Variants in TMEM106A observed in about 807,000 individuals in gnomAD.
The protein encoded by TMEM106A is transmembrane protein 106A.
In TMEM106A, 22 loss-of-function variants were observed where a neutral mutation model predicts 25.1. The ratio of observed to expected loss-of-function variants is 0.88; its 90% CI spans 0.63 to 1.25. TMEM106A has a LOEUF of 1.25. Among genes scored for constraint, TMEM106A ranks in the 50% most tolerant of loss-of-function variants. TMEM106A has a pLI of 0.00. For missense variants in TMEM106A, 275 were observed against 318.1 expected, an observed-to-expected ratio of 0.86 and a Z score of 1.03; for synonymous variants, 104 against 129.9, an observed-to-expected ratio of 0.80 and a Z score of 1.35.
At chr17:43,212,900 A>T in intron 2 of TMEM106A, 121 bp from the exon 3 acceptor site, 1 of 698,464 alleles carries the variant, frequency 1.4e-6, no homozygotes, top group Non-Finnish European at 2.4e-6. Flanking sequence ...TATCTTCCTT[A>T]GGCTTGAGCT....
rs1417280548 is a variant in TMEM106A, at chr17:43,218,951, T to C, written c.*1150T>C. 6.6e-6 allele frequency: 1 copy of C among 152,162 alleles called. No individual in the cohort carries two copies. Among genetic ancestry groups the C allele is most frequent in the African/African-American group, 2.4e-5 (1 of 41,424 alleles). The allele number at this position is 152,162 out of a possible 1,614,324, so 9.4% of individuals were successfully genotyped here. A position where few individuals can be genotyped will look rare whatever the true frequency, so the allele number is the denominator to read the frequency against. ...AAGCGTCTCCTCTCTATAAAGTAGT[T>C]TTACTATTCTTTTCATAGCAGGAGC... On this transcript the variant is annotated 3_prime_UTR_variant, in exon 9 of 9. Transcript: ENST00000612339.
At position 43,213,075 on chromosome 17, in the gene TMEM106A, C is replaced by T. The variant is rs1020625427; in HGVS notation, c.34C>T (p.Arg12Trp). The change falls in exon 3 of 9, where the codon CGG (arginine) becomes TGG (tryptophan). Residue 12 changes from arginine (R) to tryptophan (W), a missense_variant. Physicochemically the swap from Arg to Trp is moderately radical, Grantham distance 101. Transcript: ENST00000612339. ...GACGTTTTCCCAGCTGGGCTCTTGG[C>T]GGGAGGATGAGAACAAGTCAATCCT... ...GKTFSQLGSWREDENKSILSS... is the reference protein window; with the variant it reads ...GKTFSQLGSWWEDENKSILSS... 9 of 1,614,094 alleles carry T rather than the reference C, an allele frequency of 5.6e-6. No homozygotes were observed. The highest frequency in any genetic ancestry group is 2.2e-5 in the South Asian group (2 of 91,088).
In TMEM106A at chr17:43,216,695, A is replaced by G. The variant is rs1183984488; in HGVS notation, c.571-2A>G. 9.3e-6 allele frequency: 15 copies of G among 1,614,248 alleles called. No homozygotes were observed. Among genetic ancestry groups the G allele is most frequent in the Non-Finnish European group, 1.3e-5 (15 of 1,180,048 alleles). ...CTAACCCTGTGCCCATTTGGTTGAC[A>G]GATGTTTTACGCAGTAGCTACCAAG... On this transcript the variant is annotated splice_acceptor_variant, in intron 6 of 8. Transcript: ENST00000612339. LOFTEE classifies it high-confidence loss of function.
rs1053657919 is a variant in TMEM106A, at chr17:43,218,665, A to G, written c.*864A>G. 6.6e-6 allele frequency: 1 copy of G among 152,210 alleles called. No individual in the cohort carries two copies. The highest frequency in any genetic ancestry group is 2.4e-5 in the African/African-American group (1 of 41,450). 9.4% of individuals were successfully genotyped at this position (152,210 alleles called of 1,614,324 possible). A position where few individuals can be genotyped will look rare whatever the true frequency, so the allele number is the denominator to read the frequency against. ...AAAAGAGCAAAACTTTGTCTCAAAA[A>G]AAGACTCTTTTCAAGTTTTCTACCC... On this transcript the variant is annotated 3_prime_UTR_variant, in exon 9 of 9. Coordinates refer to ENST00000612339, the MANE Select transcript of TMEM106A (RefSeq NM_145041.4).
chr17:43,213,401 C>T, intron 3 of TMEM106A, 149 bp downstream of exon 3: 1 of 800,652 alleles, frequency 1.2e-6, no homozygotes, highest in Non-Finnish European at 2.0e-6. Context: ...CAGGGAGATA[C>T]TTAACTATCC....
At chr17:43,217,381 C>G in intron 8 of TMEM106A, 69 bp downstream of exon 8, 1 of 1,558,734 alleles carries the variant, frequency 6.4e-7, no homozygotes, top group Non-Finnish European at 8.9e-7. Context: ...AGCTACACCT[C>G]ATGGGCAGAG....
chr17:43,217,616 G>A (rs2057498634), intron 8 of TMEM106A, 65 bp from the exon 9 acceptor site: 2 of 1,603,866 alleles, frequency 1.2e-6, no homozygotes, highest in Admixed American at 3.4e-5. Context: ...CCCCCAGACA[G>A]TATAATGGGG....
At chr17:43,213,944 T>C in intron 4 of TMEM106A, 53 bp downstream of exon 4, 1 of 1,542,952 alleles carries the variant, frequency 6.5e-7, no homozygotes, top group South Asian at 1.1e-5. Flanking sequence ...TGGGGGCTGC[T>C]CCCTTTGTCT....
Position 43,216,105 on chromosome 17 carries a change from A to G in TMEM106A, c.429+164A>G, listed in dbSNP as rs968895671. ...GGAGCAACCATGAGCTCCATGACAG[A>G]TGGTAAGGATTGGGACTCTACACAG... On this transcript the variant is annotated intron_variant, in intron 5 of 8. Coordinates refer to ENST00000612339, the MANE Select transcript of TMEM106A (RefSeq NM_145041.4). The G allele has an allele frequency of 1.2e-5, 10 of 864,658 alleles. No individual in the cohort carries two copies. In the African/African-American group the frequency reaches 1.5e-4, roughly 13 times the overall value. The allele number at this position is 864,658 out of a possible 1,614,324, so 53.6% of individuals were successfully genotyped here.
chr17:43,212,126 A>G (rs1316565842), intron 1 of TMEM106A, 101 bp from the exon 2 acceptor site: 1 of 152,572 alleles, frequency 6.6e-6, no homozygotes, highest in Non-Finnish European at 1.5e-5. Flanking sequence ...CGGTCGGCCC[A>G]TGGCAGAGCC....
Position 43,216,352 on chromosome 17 carries a change from A to G in TMEM106A, c.430-97A>G, listed in dbSNP as rs1426624815. On this transcript the variant is annotated intron_variant, in intron 5 of 8. Transcript: ENST00000612339. ...CTGCACCTGAAGCTTGTCATGGTAG[A>G]TGGGGCTCAGGCCAGACAGCCAGGC... 7.3e-6 allele frequency: 11 copies of G among 1,504,708 alleles called. No homozygotes were observed. In the East Asian group the frequency reaches 2.5e-4, roughly 34 times the overall value. 93.2% of individuals were successfully genotyped at this position (1,504,708 alleles called of 1,614,324 possible).
chr17:43,215,603 A>G (rs1456669652), intron 4 of TMEM106A, among the ~76,000 whole-genome samples, 185 bp from the exon 5 acceptor site: 1 of 152,204 alleles, frequency 6.6e-6, no homozygotes, highest in Admixed American at 6.5e-5. Flanking sequence ...AGTGGAAACC[A>G]GGCTGCCTGC....
Position 43,213,160 on chromosome 17 carries a change from A to G in TMEM106A, c.119A>G (p.Lys40Arg), listed in dbSNP as rs781088582. The G allele has an allele frequency of 6.2e-7, 1 of 1,614,218 alleles. No individual in the cohort carries two copies. Among genetic ancestry groups the G allele is most frequent in the East Asian group, 2.2e-5 (1 of 44,888 alleles). Residue 40 changes from lysine (K) to arginine (R), a missense_variant, in exon 3 of 9, where the codon AAG becomes AGG. By Grantham distance (26) the Lys-to-Arg change is conservative. Transcript: ENST00000612339. ...AVNYSSTGSS[K>R]SFCSCVPCEG... Reference sequence around the variant, plus strand: ...AACTACTCCAGCACCGGTAGCAGCAAGTCTTTTTGTTCCTGTGTGCCTTGT... The same window carrying G: ...AACTACTCCAGCACCGGTAGCAGCAGGTCTTTTTGTTCCTGTGTGCCTTGT...
intron 5 of TMEM106A, 24 bp from the exon 6 acceptor site, chr17:43,216,425 C>G (rs367814201): frequency 1.2e-6 from 2 of 1,611,512 alleles, no homozygotes; most frequent in African/African-American, 1.3e-5. Flanking sequence ...CTTCACTCCT[C>G]CCTTCCCTTG....
Position 43,215,786 on chromosome 17 carries a change from AG to A in TMEM106A, c.276del, listed in dbSNP as rs1383085318. 6.2e-7 allele frequency: 1 copy of A among 1,613,472 alleles called. No individual in the cohort carries two copies. Among genetic ancestry groups the A allele is most frequent in the East Asian group, 2.2e-5 (1 of 44,890 alleles). On this transcript the variant is annotated splice_acceptor_variant, in intron 4 of 8. Transcript: ENST00000612339. LOFTEE classifies it high-confidence loss of function. ...TCCATCCTGGGTCCTGCTTTCCCAC[AG>A]GAAGCTCTTTGTGTTCCTGGCCGTG...
At chr17:43,214,206 GAAA>G (rs1169930576) in intron 4 of TMEM106A, among the ~76,000 whole-genome samples, 5 of 127,260 alleles carry the variant, frequency 3.9e-5, no homozygotes, top group Non-Finnish European at 6.6e-5. Context: ...AAAAAAAAAA[GAAA>G]AAAAAAAAGA....
rs767831866 is a variant in TMEM106A, at chr17:43,217,265, CTG to C, written c.623_624del (p.Cys208TyrfsTer35). ...CTCTTTTCTTCTCTCTCAGCAAAAT[CTG>C]TACCTGGCTGGAAATCAAAGTCCAC... Reference protein sequence around the residue: ...KIRDENTYKICTWLEIKVHHV... With the variant: ...KIRDENTYKIXTWLEIKVHHV... On this transcript the variant is annotated frameshift_variant, in exon 8 of 9. Transcript: ENST00000612339. LOFTEE classifies it high-confidence loss of function. 12 of 1,614,228 alleles carry C rather than the reference CTG, an allele frequency of 7.4e-6. No homozygotes were observed. The highest frequency in any genetic ancestry group is 6.7e-5 in the Admixed American group (4 of 60,022).
Position 43,215,723 on chromosome 17 carries a change from C to T in TMEM106A, c.276-65C>T, listed in dbSNP as rs1305742992. On this transcript the variant is annotated intron_variant, in intron 4 of 8. Coordinates refer to ENST00000612339, the MANE Select transcript of TMEM106A (RefSeq NM_145041.4). ...ATATGGAGAGGAGTGTCTGAACCCC[C>T]TCTCCGAGTTTCCTTGGTGTTCAGA... 2.5e-6 allele frequency: 4 copies of T among 1,577,638 alleles called. No individual in the cohort carries two copies. The Admixed American group carries it at 6.8e-5, about 27-fold the overall frequency.
At chr17:43,214,697 G>T in intron 4 of TMEM106A, among the ~76,000 whole-genome samples, 1 of 152,030 alleles carries the variant, frequency 6.6e-6, no homozygotes, top group East Asian at 1.9e-4. Context: ...GGTGGTTTAT[G>T]CCTGTAATCC....
Sources: gnomAD v4.1 joint callset for allele counts (sites outside exome capture counted in the v4.1 genomes callset) on GRCh38, gnomAD v4.1.1 for gene constraint, MANE v1.5 for transcripts, NCBI Gene and HGNC (gene_info 2026-07-23, HGNC 2026-07-21) for gene names.